NAALAD2: variants seen among roughly 807,000 people sequenced by gnomAD.
NAALAD2 encodes N-acetylated alpha-linked acidic dipeptidase 2, also known as N-acetylated-alpha-linked acidic dipeptidase 2.
In NAALAD2, 89 loss-of-function variants were observed where a neutral mutation model predicts 95.6. The observed-to-expected ratio is 0.93, with a 90% CI of 0.78 to 1.11. The LOEUF (loss-of-function observed/expected upper bound fraction) is 1.11. NAALAD2 is among the 50% of genes least tolerant of loss of function. The probability of loss-of-function intolerance (pLI) is 0.00; values close to 1 mark genes in which losing one functional copy is unlikely to be tolerated. For missense variants in NAALAD2, 894 were observed against 872.4 expected, an observed-to-expected ratio of 1.02 and a Z score of -0.31; for synonymous variants, 264 against 294.4, an observed-to-expected ratio of 0.90 and a Z score of 1.06.
intron 13 of NAALAD2, among the ~76,000 whole-genome samples, chr11:90,171,274 C>T (rs888341005): frequency 2.6e-5 from 4 of 152,302 alleles, no homozygotes; most frequent in African/African-American, 7.2e-5. Context: ...TATCACTTCT[C>T]TCTGGGTACT....
intron 15 of NAALAD2, 70 bp from the exon 16 acceptor site, chr11:90,177,783 G>T (rs1242520862): frequency 7.2e-7 from 1 of 1,390,136 alleles, no homozygotes; most frequent in African/African-American, 1.5e-5. Flanking sequence ...TTATTTTTAT[G>T]CTTACATAAA....
At chr11:90,184,621 T>G (rs1447428781) in intron 18 of NAALAD2, among the ~76,000 whole-genome samples, 3 of 152,068 alleles carry the variant, frequency 2.0e-5, no homozygotes, top group Non-Finnish European at 4.4e-5. Context: ...AATCTATATT[T>G]TGTCATTATT....
chr11:90,146,968 T>G (rs1160782079), intron 2 of NAALAD2, among the ~76,000 whole-genome samples: 1 of 152,154 alleles, frequency 6.6e-6, no homozygotes, highest in African/African-American at 2.4e-5. Flanking sequence ...TGCGAGAGGT[T>G]AAGATCTATT....
intron 16 of NAALAD2, 78 bp downstream of exon 16, chr11:90,178,195 A>C: frequency 7.1e-7 from 1 of 1,412,842 alleles, no homozygotes; most frequent in Non-Finnish European, 9.6e-7. Flanking sequence ...TGATCAATGC[A>C]TATTGTTTCA....
rs895707511 is a variant in NAALAD2, at chr11:90,173,696, T to C, written c.1411-128T>C. ...AATTTTTCTATAAAACATATACATG[T>C]GTATAAATATATACATGTACATATG... On this transcript the variant is annotated intron_variant, in intron 13 of 18. Coordinates refer to ENST00000534061, the MANE Select transcript of NAALAD2 (RefSeq NM_005467.4). The C allele has an allele frequency of 5.8e-6, 3 of 520,572 alleles. No homozygotes were observed. The African/African-American group carries it at 6.0e-5, about 10-fold the overall frequency. The allele number at this position is 520,572 out of a possible 1,614,324, so 32.2% of individuals were successfully genotyped here. A position where few individuals can be genotyped will look rare whatever the true frequency, so the allele number is the denominator to read the frequency against.
rs553436865 is a variant in NAALAD2 at position 90,137,240 on chromosome 11, T to C, written c.194+1570T>C. ...GAGGAGGGCAGACAATACTGAGGGG[T>C]TGGTTCAATGGGTACAAAAATACAG... is the stretch of plus-strand genomic sequence containing the variant. On this transcript the variant is annotated intron_variant, in intron 2 of 18. Transcript: ENST00000534061. 2.6e-5 allele frequency among the ~76,000 whole-genome samples: 4 copies of C among 151,922 alleles called. No homozygotes were observed. In the South Asian group the frequency reaches 8.3e-4, roughly 32 times the overall value.
At chr11:90,171,383 C>G (rs76151480) in intron 13 of NAALAD2, among the ~76,000 whole-genome samples, 1,784 of 152,282 alleles carry the variant, frequency 0.012, 14 homozygotes, top group Middle Eastern at 0.02. Context: ...TCACAATGCT[C>G]TCACCATCTT....
At chr11:90,161,985 T>C (rs2134914149) in intron 8 of NAALAD2, among the ~76,000 whole-genome samples, 1 of 151,324 alleles carries the variant, frequency 6.6e-6, no homozygotes, top group East Asian at 1.9e-4. Context: ...ATATTGCAAA[T>C]GGATTAAATA....
At chr11:90,140,968 C>A (rs894335213) in intron 2 of NAALAD2, among the ~76,000 whole-genome samples, 4 of 152,018 alleles carry the variant, frequency 2.6e-5, no homozygotes. Context: ...AAAATGTTAT[C>A]CTTCTTTCAT....
intron 6 of NAALAD2, among the ~76,000 whole-genome samples, chr11:90,155,378 TA>T (rs1952046311): frequency 2.2e-5 from 2 of 90,784 alleles, no homozygotes; most frequent in Non-Finnish European, 3.8e-5. Context: ...TAATATTACA[TA>T]TTATACATGT....
intron 2 of NAALAD2, among the ~76,000 whole-genome samples, chr11:90,143,387 A>G (rs1951671327): frequency 6.6e-6 from 1 of 152,160 alleles, no homozygotes; most frequent in African/African-American, 2.4e-5. Flanking sequence ...AATACACATG[A>G]AGTTTTTAGA....
chr11:90,191,742 T>C lies in NAALAD2; in HGVS notation c.2218T>C (p.Leu740=), dbSNP rs760838874. 26 of 1,561,112 alleles carry C rather than the reference T, an allele frequency of 1.7e-5. No individual in the cohort carries two copies. The highest frequency in any genetic ancestry group is 2.3e-5 in the Non-Finnish European group (26 of 1,154,834). ...QAAAGTLKEV[L] ...AGCAGCAGGAACTCTGAAAGAAGTA[T>C]TATAGAAGGTCTCAAGTGGCTAGCC... The change falls in exon 19 of 19, where the codon TTA becomes CTA. Residue 740 remains leucine, a synonymous_variant. Transcript: ENST00000534061.
chr11:90,182,951 T>A lies in NAALAD2; in HGVS notation c.1976T>A (p.Met659Lys). ...IAVRMMNDQL[M>K]LLERAFIDPL... The stretch of plus-strand genomic sequence containing the variant: ...GTGAGAATGATGAATGACCAACTGA[T>A]GCTCCTGGAAAGAGCATTCATCGAT... Residue 659 changes from methionine to lysine, a missense_variant, in exon 18 of 19, where the codon ATG becomes AAG. Coordinates refer to ENST00000534061, the MANE Select transcript of NAALAD2 (RefSeq NM_005467.4). 6.2e-7 allele frequency: 1 copy of A among 1,612,484 alleles called. No individual in the cohort carries two copies. Among genetic ancestry groups the A allele is most frequent in the Non-Finnish European group, 8.5e-7 (1 of 1,178,800 alleles).
chr11:90,134,196 A>G (rs1470650319), upstream of NAALAD2, among the ~76,000 whole-genome samples: 1 of 152,214 alleles, frequency 6.6e-6, no homozygotes, highest in Non-Finnish European at 1.5e-5. Context: ...AGTTTTGTTT[A>G]AGTAAAGGGG....
chr11:90,152,564 C>A, intron 6 of NAALAD2, 80 bp downstream of exon 6: 1 of 1,120,938 alleles, frequency 8.9e-7, no homozygotes, highest in Non-Finnish European at 1.3e-6. Context: ...CAAGCATGTT[C>A]AGAATAATAT....
At chr11:90,135,260 G>A (rs77986889) in intron 1 of NAALAD2, 14,105 of 316,536 alleles carry the variant, frequency 0.045, 401 homozygotes, top group East Asian at 0.089. Context: ...TGTTCCCTAT[G>A]TGTCAGGGAC....
chr11:90,150,694 A>C, intron 5 of NAALAD2, 87 bp downstream of exon 5: 1 of 1,218,328 alleles, frequency 8.2e-7, no homozygotes, highest in Non-Finnish European at 1.1e-6. Context: ...TCTGTTTCCA[A>C]ATTGCTTTCA....
chr11:90,175,986 G>T lies in NAALAD2; in HGVS notation c.1517G>T (p.Gly506Val). The T allele has an allele frequency of 6.2e-7, 1 of 1,610,702 alleles. No individual in the cohort carries two copies. ...NKNLPRINKL[G>V]SGSDFEAYFQ... ...TCTACATCTAGAATCAATAAGCTGG[G>T]ATCTGGAAGTGACTTTGAAGCTTAT... The change falls in exon 15 of 19, where the codon GGA (glycine) becomes GTA (valine). Residue 506 changes from glycine to valine, a missense_variant. Coordinates refer to ENST00000534061, the MANE Select transcript of NAALAD2 (RefSeq NM_005467.4).
At chr11:90,189,119 C>T (rs1196850242) in intron 18 of NAALAD2, among the ~76,000 whole-genome samples, 5 of 149,992 alleles carry the variant, frequency 3.3e-5, no homozygotes, top group African/African-American at 1.2e-4. Flanking sequence ...AGGGTGATGC[C>T]ATTGCGAAAA....
Sources: allele counts gnomAD v4.1 joint callset (sites outside exome capture counted in the v4.1 genomes callset), GRCh38; gene constraint gnomAD v4.1.1; transcripts MANE v1.5; gene names NCBI Gene and HGNC (gene_info 2026-07-23, HGNC 2026-07-21).